Variants in RAPGEF1 observed in about 807,000 individuals in gnomAD.
RAPGEF1 encodes the protein CRK SH3-binding GNRP.
RAPGEF1 carries 33 observed loss-of-function variants against 143.3 expected under a neutral mutation model. The observed-to-expected ratio is 0.23, with a 90% CI of 0.17 to 0.31. The LOEUF (loss-of-function observed/expected upper bound fraction) is 0.31, where lower values mean the gene tolerates loss of function less well. Ranked by LOEUF, RAPGEF1 falls within the 10% of genes least tolerant of loss-of-function variation. RAPGEF1 has a pLI of 1.00. For synonymous variants in RAPGEF1, 629 were observed against 676.5 expected (o/e 0.93, Z 1.09); for missense variants, 1,199 against 1,645.4 (o/e 0.73, Z 4.69).
At chr9:131,671,495 A>G (rs1195359999) in intron 1 of RAPGEF1, among the ~76,000 whole-genome samples, 4 of 152,254 alleles carry the variant, frequency 2.6e-5, no homozygotes, top group Admixed American at 2.6e-4. Flanking sequence ...AACCAGCCCA[A>G]CAACGTGGGG....
At chr9:131,603,781 A>G (rs563215319) in intron 14 of RAPGEF1, among the ~76,000 whole-genome samples, 180 bp downstream of exon 14, 1 of 152,316 alleles carries the variant, frequency 6.6e-6, no homozygotes, top group Admixed American at 6.5e-5. Flanking sequence ...TCCACCTGGA[A>G]GCCACGTCCT....
In RAPGEF1 at chr9:131,578,046, T is replaced by TA. The variant is rs1355324753; in HGVS notation, c.*1450dup. On this transcript the variant is annotated 3_prime_UTR_variant, in exon 27 of 27. Coordinates refer to ENST00000683357, the MANE Select transcript of RAPGEF1 (RefSeq NM_001377935.1). ...TTGAACTGGGCTAAGTAAGCACAGT[T>TA]AGACCCTGCTGTTCACTTGACCACG... The TA allele has an allele frequency of 5.3e-5, 8 of 152,278 alleles. No individual in the cohort carries two copies. Among genetic ancestry groups the TA allele is most frequent in the African/African-American group, 1.9e-4 (8 of 41,466 alleles). 9.4% of individuals were successfully genotyped at this position (152,278 alleles called of 1,614,324 possible).
chr9:131,595,979 AG>A (rs1386534395), intron 17 of RAPGEF1, among the ~76,000 whole-genome samples: 2 of 152,208 alleles, frequency 1.3e-5, no homozygotes, highest in Admixed American at 1.3e-4. Flanking sequence ...TCTTAAGTTT[AG>A]TACTACTGGG....
chr9:131,718,999 G>A (rs1195864032), intron 1 of RAPGEF1, among the ~76,000 whole-genome samples: 1 of 152,104 alleles, frequency 6.6e-6, no homozygotes, highest in Non-Finnish European at 1.5e-5. Context: ...AGAGGTTGTG[G>A]CTTTTTGTGT....
intron 1 of RAPGEF1, among the ~76,000 whole-genome samples, chr9:131,707,042 A>G (rs1349533818): frequency 6.6e-6 from 1 of 152,234 alleles, no homozygotes; most frequent in Admixed American, 6.5e-5. Context: ...ATTTTAACTC[A>G]TGGTTTTCTA....
intron 10 of RAPGEF1, among the ~76,000 whole-genome samples, chr9:131,624,809 T>A (rs1056693024): frequency 2.0e-5 from 3 of 152,214 alleles, no homozygotes; most frequent in African/African-American, 7.2e-5. Flanking sequence ...CAGATGGGGA[T>A]GACATCATTA....
intron 1 of RAPGEF1, among the ~76,000 whole-genome samples, chr9:131,699,234 T>G (rs1408066029): frequency 6.9e-6 from 1 of 144,912 alleles, no homozygotes; most frequent in Non-Finnish European, 1.5e-5. Flanking sequence ...AACACTCCAC[T>G]GACACTTTTT....
At position 131,584,514 on chromosome 9, in the gene RAPGEF1, T is replaced by C; in HGVS notation, c.3312+4A>G. 1 of 1,613,976 alleles carries C rather than the reference T, an allele frequency of 6.2e-7. No homozygotes were observed. Among genetic ancestry groups the C allele is most frequent in the Non-Finnish European group, 8.5e-7 (1 of 1,179,852 alleles). The stretch of plus-strand genomic sequence containing the variant: ...GGGCCTGGGAAGGACTTGGCCACCA[T>C]TACCTTCATGATCTTGATGAACTTC... On this transcript the variant is annotated splice_donor_region_variant and intron_variant, in intron 23 of 26. Transcript: ENST00000683357. This position sits in a 1 kb window ranked among gnomAD's most constrained non-coding sequence, Gnocchi z 6.8.
chr9:131,680,465 G>T (rs1396577053), intron 1 of RAPGEF1, among the ~76,000 whole-genome samples: 1 of 152,182 alleles, frequency 6.6e-6, no homozygotes, highest in Non-Finnish European at 1.5e-5. Context: ...TGTTCATGAT[G>T]GCCATAATGC....
intron 15 of RAPGEF1, among the ~76,000 whole-genome samples, chr9:131,599,179 C>T (rs1420360771): frequency 6.7e-6 from 1 of 148,530 alleles, no homozygotes; most frequent in African/African-American, 2.5e-5. Flanking sequence ...GGCTGGAGTG[C>T]AGTGGTGCGA....
At chr9:131,588,738 G>A in intron 20 of RAPGEF1, 63 bp downstream of exon 20, 1 of 1,491,144 alleles carries the variant, frequency 6.7e-7, no homozygotes, top group South Asian at 1.3e-5. Flanking sequence ...CAGGGAGGGA[G>A]GGTAAACTGA....
At chr9:131,639,557 G>C (rs1480141946) in intron 4 of RAPGEF1, among the ~76,000 whole-genome samples, 1 of 151,982 alleles carries the variant, frequency 6.6e-6, no homozygotes, top group Non-Finnish European at 1.5e-5. Context: ...AGTAGCAGCC[G>C]AATGGAGAAT....
chr9:131,710,610 C>T lies in RAPGEF1; in HGVS notation c.61+29160G>A, dbSNP rs1363640612. On this transcript the variant is annotated intron_variant, in intron 1 of 26. Coordinates refer to ENST00000683357, the MANE Select transcript of RAPGEF1 (RefSeq NM_001377935.1). Reference sequence around the variant, plus strand: ...ATGGGTAAGAATGCAGGCTCTGAGCCGGGCGAGGTGGCTCACGCCTGTAAT... The same window carrying T: ...ATGGGTAAGAATGCAGGCTCTGAGCTGGGCGAGGTGGCTCACGCCTGTAAT... Among the ~76,000 whole-genome samples, 6 of 152,260 alleles carry T rather than the reference C, an allele frequency of 3.9e-5. 1 individual carries two copies. The highest frequency in any genetic ancestry group is 2.6e-4 in the Admixed American group (4 of 15,280).
intron 1 of RAPGEF1, among the ~76,000 whole-genome samples, chr9:131,681,917 G>T (rs868469522): frequency 2.0e-5 from 3 of 152,116 alleles, no homozygotes; most frequent in Admixed American, 6.5e-5. Context: ...CTGCAGATTC[G>T]GCTGCTCAGG....
intron 6 of RAPGEF1, 61 bp from the exon 7 acceptor site, chr9:131,629,315 G>A (rs922406835): frequency 9.9e-6 from 15 of 1,509,348 alleles, no homozygotes; most frequent in Admixed American, 1.8e-5. Context: ...AGCACACACA[G>A]GCCCTGAGAG....
chr9:131,702,569 C>T (rs1834742081), intron 1 of RAPGEF1, among the ~76,000 whole-genome samples: 2 of 152,154 alleles, frequency 1.3e-5, no homozygotes, highest in Admixed American at 1.3e-4. Flanking sequence ...AAATAATATT[C>T]AGTGCTGATG....
chr9:131,710,198 T>C (rs930184892), intron 1 of RAPGEF1, among the ~76,000 whole-genome samples: 7 of 152,134 alleles, frequency 4.6e-5, no homozygotes, highest in Admixed American at 2.6e-4. Flanking sequence ...CAGACCAGTG[T>C]GCACCACGTA....
Position 131,583,724 on chromosome 9 carries a change from C to T in RAPGEF1, c.3414+587G>A, listed in dbSNP as rs965227486. Among the ~76,000 whole-genome samples the T allele has an allele frequency of 3.9e-5, 6 of 152,338 alleles. No individual in the cohort carries two copies. The highest frequency in any genetic ancestry group is 3.9e-4 in the East Asian group (2 of 5,188). ...TGACCTAGAACTGGTCCCCTTCTCC[C>T]GGGATGTGGTCCCCTGGCCTCCTCC... On this transcript the variant is annotated intron_variant, in intron 24 of 26. Transcript: ENST00000683357. This position sits in a 1 kb window ranked among gnomAD's most constrained non-coding sequence, Gnocchi z 4.7.
chr9:131,663,097 A>C (rs1329539301), intron 1 of RAPGEF1, among the ~76,000 whole-genome samples: 1 of 150,428 alleles, frequency 6.6e-6, no homozygotes, highest in Non-Finnish European at 1.5e-5. Context: ...CCGCTTTCCA[A>C]AGTTATATTT....
Sources: gnomAD v4.1 joint callset for allele counts (sites outside exome capture counted in the v4.1 genomes callset) on GRCh38, gnomAD v4.1.1 for gene constraint, Gnocchi (gnomAD v3.1) non-coding constraint, MANE v1.5 for transcripts, NCBI Gene and HGNC (gene_info 2026-07-23, HGNC 2026-07-21) for gene names.